The following DPYD variants were observed in gnomAD, a reference collection of about 807,000 sequenced individuals.
DPYD encodes dihydropyrimidine dehydrogenase [NADP(+)].
In DPYD, 109 loss-of-function variants were observed where a neutral mutation model predicts 116.2. That is an observed-to-expected ratio of 0.94 (90% CI 0.80 to 1.10). The LOEUF (loss-of-function observed/expected upper bound fraction) is 1.10. DPYD is among the 50% of genes least tolerant of loss of function. DPYD has a pLI of 0.00. For synonymous variants in DPYD, 440 were observed against 432.0 expected (o/e 1.02, Z -0.23); for missense variants, 1,302 against 1,254.5 (o/e 1.04, Z -0.57).
chr1:97,411,791 T>C (rs1446506878), intron 14 of DPYD, among the ~76,000 whole-genome samples: 1 of 152,212 alleles, frequency 6.6e-6, no homozygotes, highest in African/African-American at 2.4e-5. Flanking sequence ...AAAGGACCTT[T>C]TTCAAAGTGA....
chr1:97,664,737 G>C (rs553959599), intron 8 of DPYD, among the ~76,000 whole-genome samples: 1 of 151,956 alleles, frequency 6.6e-6, no homozygotes, highest in Non-Finnish European at 1.5e-5. Context: ...AAGGGTCTTC[G>C]AGTGAAAATA....
At chr1:97,699,296 T>A in intron 6 of DPYD, 55 bp downstream of exon 6, 15 of 1,539,858 alleles carry the variant, frequency 9.7e-6, no homozygotes, top group Non-Finnish European at 1.3e-5. Context: ...ATATTCATAA[T>A]TGTTTTGCTC....
At chr1:97,620,354 A>G (rs1362149639) in intron 8 of DPYD, among the ~76,000 whole-genome samples, 1 of 152,122 alleles carries the variant, frequency 6.6e-6, no homozygotes, top group African/African-American at 2.4e-5. Context: ...AAGTGGGACT[A>G]TCGGCACATG....
intron 20 of DPYD, among the ~76,000 whole-genome samples, chr1:97,187,116 T>C (rs1226120476): frequency 6.6e-6 from 1 of 152,168 alleles, no homozygotes; most frequent in Non-Finnish European, 1.5e-5. Context: ...CTGAGGTGAA[T>C]GGTAGTTTTA....
intron 16 of DPYD, among the ~76,000 whole-genome samples, chr1:97,352,930 AAGG>A (rs1467733366): frequency 2.6e-5 from 4 of 152,206 alleles, no homozygotes; most frequent in Non-Finnish European, 4.4e-5. Context: ...GCATGACAGA[AAGG>A]AGAACAAGGC....
chr1:97,767,106 C>CT (rs1665899328), intron 3 of DPYD, among the ~76,000 whole-genome samples: 1 of 152,140 alleles, frequency 6.6e-6, no homozygotes, highest in Non-Finnish European at 1.5e-5. Context: ...TGCTAGGTAG[C>CT]TCCTGTTTTT....
At chr1:97,212,186 C>A (rs886268613) in intron 19 of DPYD, among the ~76,000 whole-genome samples, 1 of 152,034 alleles carries the variant, frequency 6.6e-6, no homozygotes, top group Non-Finnish European at 1.5e-5. Context: ...ATTCCAATTA[C>A]CCAAAAGTTT....
At chr1:97,215,723 G>A (rs1479107988) in intron 19 of DPYD, among the ~76,000 whole-genome samples, 2 of 152,032 alleles carry the variant, frequency 1.3e-5, no homozygotes, top group East Asian at 1.9e-4. Context: ...TTCCTCCTGC[G>A]CACAAACAGG....
chr1:97,762,464 TAA>T (rs903542982), intron 3 of DPYD, among the ~76,000 whole-genome samples: 4 of 152,162 alleles, frequency 2.6e-5, no homozygotes, highest in Non-Finnish European at 4.4e-5. Context: ...CAAGGAATGA[TAA>T]AGTCATGAAC....
At chr1:97,747,512 A>G (rs1057300142) in intron 3 of DPYD, among the ~76,000 whole-genome samples, 1 of 152,214 alleles carries the variant, frequency 6.6e-6, no homozygotes, top group Non-Finnish European at 1.5e-5. Context: ...GCAAGATTCA[A>G]GAAGATCAGA....
At chr1:97,290,838 G>C (rs1216573277) in intron 18 of DPYD, among the ~76,000 whole-genome samples, 1 of 152,102 alleles carries the variant, frequency 6.6e-6, no homozygotes, top group Non-Finnish European at 1.5e-5. Flanking sequence ...TAACAAATGG[G>C]ATCTAATTAA....
intron 12 of DPYD, among the ~76,000 whole-genome samples, chr1:97,543,299 G>T (rs888511117): frequency 1.3e-5 from 2 of 151,964 alleles, no homozygotes; most frequent in African/African-American, 4.8e-5. Flanking sequence ...ATGCATTGTG[G>T]TACCCTCCCG....
intron 13 of DPYD, among the ~76,000 whole-genome samples, chr1:97,461,778 A>G (rs1030274197): frequency 3.3e-5 from 5 of 152,222 alleles, no homozygotes; most frequent in Non-Finnish European, 5.9e-5. Flanking sequence ...TAAAAAATGT[A>G]TTATGTCCTA....
intron 16 of DPYD, among the ~76,000 whole-genome samples, chr1:97,318,928 CA>C (rs1369603565): frequency 7.1e-6 from 1 of 141,182 alleles, no homozygotes; most frequent in African/African-American, 2.7e-5. Flanking sequence ...TTAAGAATCT[CA>C]CTCAAAGCCG....
chr1:97,635,770 C>A (rs78030525), intron 8 of DPYD, among the ~76,000 whole-genome samples: 2,752 of 152,178 alleles, frequency 0.018, 34 homozygotes, highest in Non-Finnish European at 0.028. Context: ...AAGAAATTGT[C>A]CCGTCCCAAA....
chr1:97,383,467 C>T lies in DPYD; in HGVS notation c.1906-1006G>A, dbSNP rs555940265. 4.5e-4 allele frequency among the ~76,000 whole-genome samples: 63 copies of T among 140,522 alleles called. 1 individual carries two copies. Among genetic ancestry groups the T allele is most frequent in the African/African-American group, 1.7e-3 (62 of 36,902 alleles). 92.2% of individuals were successfully genotyped at this position (140,522 alleles called of 152,430 possible). On this transcript the variant is annotated intron_variant, in intron 14 of 22. Transcript: ENST00000370192. Reference sequence around the variant, plus strand: ...CTCCAGCCTGGGCAACAGAGCGAGACTCTGTCTCAAAAAAAAAAAAAGAAA... The same window carrying T: ...CTCCAGCCTGGGCAACAGAGCGAGATTCTGTCTCAAAAAAAAAAAAAGAAA...
At chr1:97,742,404 T>G (rs1382696753) in intron 3 of DPYD, among the ~76,000 whole-genome samples, 1 of 152,116 alleles carries the variant, frequency 6.6e-6, no homozygotes, top group African/African-American at 2.4e-5. Context: ...TCTCTCTAAA[T>G]TAAATTTTAC....
At chr1:97,111,240 TGAGAAGTTGTCTTAAATA>T (rs1402254825) in intron 20 of DPYD, among the ~76,000 whole-genome samples, 1 of 152,116 alleles carries the variant, frequency 6.6e-6, no homozygotes, top group Non-Finnish European at 1.5e-5. Flanking sequence ...TATAGTAGCC[TGAGAAGTTGTCTTAAATA>T]GAAACTATGA....
At chr1:97,624,505 T>G (rs1365499868) in intron 8 of DPYD, among the ~76,000 whole-genome samples, 1 of 151,846 alleles carries the variant, frequency 6.6e-6, no homozygotes, top group African/African-American at 2.4e-5. Context: ...AAGAAAACAC[T>G]CTTGTTAGTG....
Sources: gnomAD v4.1 joint callset for allele counts (sites outside exome capture counted in the v4.1 genomes callset) on GRCh38, gnomAD v4.1.1 for gene constraint, MANE v1.5 for transcripts, NCBI Gene and HGNC (gene_info 2026-07-23, HGNC 2026-07-21) for gene names.